The following VWA8 variants were observed in gnomAD, a reference collection of about 807,000 sequenced individuals.
VWA8 encodes von Willebrand factor A domain containing 8.
VWA8 carries 221 observed loss-of-function variants against 241.5 expected under a neutral mutation model. The observed-to-expected ratio is 0.91, with a 90% CI of 0.82 to 1.02. The LOEUF is 1.02. Ranked by LOEUF, VWA8 falls within the 50% of genes least tolerant of loss-of-function variation. VWA8 has a pLI of 0.00. For missense variants in VWA8, 2,322 were observed against 2,328.7 expected (o/e 1.00, Z 0.06); for synonymous variants, 852 against 827.1 (o/e 1.03, Z -0.52).
intron 40 of VWA8, among the ~76,000 whole-genome samples, chr13:41,604,082 C>T (rs2044538662): frequency 6.6e-6 from 1 of 152,132 alleles, no homozygotes; most frequent in African/African-American, 2.4e-5. Context: ...TAGGCACCAT[C>T]TCCCATTACT....
chr13:41,598,778 T>G (rs1312959856), intron 40 of VWA8, among the ~76,000 whole-genome samples: 1 of 152,038 alleles, frequency 6.6e-6, no homozygotes, highest in African/African-American at 2.4e-5. Flanking sequence ...AAATTAATTT[T>G]TCTTTCTCTG....
intron 38 of VWA8, 138 bp from the exon 39 acceptor site, chr13:41,611,870 G>T: frequency 1.0e-6 from 1 of 970,632 alleles, no homozygotes; most frequent in Non-Finnish European, 1.5e-6. Flanking sequence ...ATTACCTTCT[G>T]GAAAAAGATG....
At chr13:41,646,636 A>G (rs906097741) in intron 37 of VWA8, among the ~76,000 whole-genome samples, 1 of 152,242 alleles carries the variant, frequency 6.6e-6, no homozygotes, top group Non-Finnish European at 1.5e-5. Flanking sequence ...TATTCTTGAT[A>G]GTACAAAATT....
intron 17 of VWA8, among the ~76,000 whole-genome samples, chr13:41,806,269 A>G (rs9594634): frequency 3.5e-4 from 53 of 152,310 alleles, no homozygotes; most frequent in African/African-American, 1.3e-3. Flanking sequence ...AAAAGCCTAC[A>G]TCAAAAAAGT....
At chr13:41,884,310 T>C (rs896781466) in intron 8 of VWA8, among the ~76,000 whole-genome samples, 1 of 152,140 alleles carries the variant, frequency 6.6e-6, no homozygotes, top group African/African-American at 2.4e-5. Context: ...TCTCATGAGA[T>C]CTGATGGCTT....
chr13:41,571,928 G>A (rs1035788786), intron 43 of VWA8, among the ~76,000 whole-genome samples: 4 of 151,256 alleles, frequency 2.6e-5, no homozygotes, highest in Non-Finnish European at 5.9e-5. Context: ...GCCGCCCATC[G>A]TCTGAGATGT....
chr13:41,814,798 CTG>C (rs1870618183), intron 16 of VWA8, among the ~76,000 whole-genome samples: 1 of 152,112 alleles, frequency 6.6e-6, no homozygotes, highest in African/African-American at 2.4e-5. Flanking sequence ...AGTAGGAACA[CTG>C]TGCAAATCAG....
At chr13:41,748,032 T>G (rs892305812) in intron 21 of VWA8, among the ~76,000 whole-genome samples, 2 of 152,242 alleles carry the variant, frequency 1.3e-5, no homozygotes, top group African/African-American at 4.8e-5. Flanking sequence ...GCATCAATGT[T>G]CATCAGGGAT....
intron 14 of VWA8, among the ~76,000 whole-genome samples, chr13:41,827,125 G>A (rs1441658234): frequency 2.0e-5 from 3 of 152,066 alleles, no homozygotes; most frequent in Non-Finnish European, 1.5e-5. Context: ...TCATATGTAA[G>A]TAATTATTAA....
At chr13:41,670,805 T>C (rs1407159328) in intron 37 of VWA8, 141 bp downstream of exon 37, 1 of 951,698 alleles carries the variant, frequency 1.1e-6, no homozygotes, top group Non-Finnish European at 1.5e-6. Flanking sequence ...TGTCTTTTTA[T>C]TTTGTATCTA....
chr13:41,866,655 A>G (rs1438332084), intron 10 of VWA8, among the ~76,000 whole-genome samples: 1 of 152,168 alleles, frequency 6.6e-6, no homozygotes, highest in African/African-American at 2.4e-5. Flanking sequence ...CATAAAAATC[A>G]TGTCATCTTA....
chr13:41,803,968 G>A (rs188396574), intron 17 of VWA8, among the ~76,000 whole-genome samples: 1 of 152,210 alleles, frequency 6.6e-6, no homozygotes, highest in East Asian at 1.9e-4. Flanking sequence ...TTGAAGACAG[G>A]CTATTTGAAA....
chr13:41,753,542 G>A (rs1011717671), intron 21 of VWA8, among the ~76,000 whole-genome samples: 1 of 152,108 alleles, frequency 6.6e-6, no homozygotes, highest in Non-Finnish European at 1.5e-5. Context: ...ACTTTCAAAA[G>A]TAATTACTTT....
chr13:41,774,170 C>T (rs987753664), intron 20 of VWA8, among the ~76,000 whole-genome samples: 3 of 152,078 alleles, frequency 2.0e-5, no homozygotes, highest in East Asian at 1.9e-4. Flanking sequence ...TATGGAGTCT[C>T]GCTCTATCTC....
At chr13:41,748,609 C>T (rs896903148) in intron 21 of VWA8, among the ~76,000 whole-genome samples, 1 of 152,114 alleles carries the variant, frequency 6.6e-6, no homozygotes, top group African/African-American at 2.4e-5. Flanking sequence ...TTCAGTTCTG[C>T]TCTGATCTTA....
At chr13:41,635,110 G>A (rs988595130) in intron 37 of VWA8, among the ~76,000 whole-genome samples, 1 of 152,140 alleles carries the variant, frequency 6.6e-6, no homozygotes, top group African/African-American at 2.4e-5. Context: ...TGGTTCTGCT[G>A]ATTGATAATA....
chr13:41,942,567 T>C (rs1035434067), intron 2 of VWA8, among the ~76,000 whole-genome samples: 1 of 152,204 alleles, frequency 6.6e-6, no homozygotes, highest in African/African-American at 2.4e-5. Flanking sequence ...AGACATAATG[T>C]ACCGAGAAGT....
intron 40 of VWA8, among the ~76,000 whole-genome samples, chr13:41,600,862 C>T (rs1056873263): frequency 2.0e-5 from 3 of 152,088 alleles, no homozygotes; most frequent in Non-Finnish European, 4.4e-5. Flanking sequence ...GAATTTGTCT[C>T]ATTCTTTCCA....
intron 14 of VWA8, among the ~76,000 whole-genome samples, chr13:41,826,457 G>A (rs1871171749): frequency 6.6e-6 from 1 of 152,130 alleles, no homozygotes; most frequent in Non-Finnish European, 1.5e-5. Context: ...CAAGAAAAAA[G>A]ACCAGAGGAA....
Sources: gnomAD v4.1 joint callset for allele counts (sites outside exome capture counted in the v4.1 genomes callset) on GRCh38, gnomAD v4.1.1 for gene constraint, MANE v1.5 for transcripts, NCBI Gene and HGNC (gene_info 2026-07-23, HGNC 2026-07-21) for gene names.